TXNDC11: variants seen among roughly 807,000 people sequenced by gnomAD.
TXNDC11 encodes thioredoxin domain containing 11.
A neutral mutation model predicts 78.0 loss-of-function variants in TXNDC11; 68 were observed. That is an observed-to-expected ratio of 0.87 (90% CI 0.72 to 1.07). TXNDC11 has a LOEUF of 1.07. Ranked by LOEUF, TXNDC11 falls within the 50% of genes least tolerant of loss-of-function variation. The pLI, the probability that TXNDC11 is intolerant of heterozygous loss-of-function variation, is 0.00. For missense variants in TXNDC11, 1,389 were observed against 1,221.8 expected, an observed-to-expected ratio of 1.14 and a Z score of -2.04; for synonymous variants, 571 against 495.2, an observed-to-expected ratio of 1.15 and a Z score of -2.03.
rs540184267 is a variant in TXNDC11, at chr16:11,684,196, G to C, written c.2203C>G (p.Leu735Val). ...CAGGGAAAAAACAAGACAGTAGGAA[G>C]ACGATCGACCATAAATTCCCAAGGA... is the stretch of plus-strand genomic sequence containing the variant. Reference protein sequence around the residue: ...DLPWEFMVDRLPTVLFFPCNR... With the variant: ...DLPWEFMVDRVPTVLFFPCNR... Residue 735 changes from leucine to valine, a missense_variant, in exon 11 of 12, where the codon CTT becomes GTT. Leu to Val is a conservative substitution (Grantham distance 32). Coordinates refer to ENST00000283033, the MANE Select transcript of TXNDC11 (RefSeq NM_015914.7). 1 of 1,613,978 alleles carries C rather than the reference G, an allele frequency of 6.2e-7. No individual in the cohort carries two copies. Among genetic ancestry groups the C allele is most frequent in the Admixed American group, 1.7e-5 (1 of 60,030 alleles).
intron 4 of TXNDC11, among the ~76,000 whole-genome samples, chr16:11,722,717 C>T (rs1486865469): frequency 6.6e-6 from 1 of 152,074 alleles, no homozygotes; most frequent in East Asian, 1.9e-4. Flanking sequence ...TCCTTTTGAG[C>T]CCAAAAGCAC....
At chr16:11,687,995 T>C (rs201103025) in intron 9 of TXNDC11, 29 bp from the exon 10 acceptor site, 1 of 1,518,756 alleles carries the variant, frequency 6.6e-7, no homozygotes, top group Non-Finnish European at 9.1e-7. Context: ...AGATGTTACT[T>C]GCACCGGGAA....
chr16:11,691,201 C>T (rs2050703524), intron 8 of TXNDC11, 89 bp downstream of exon 8: 1 of 1,136,122 alleles, frequency 8.8e-7, no homozygotes, highest in Non-Finnish European at 1.3e-6. Flanking sequence ...CACCCCACAA[C>T]TAAATGTAAT....
intron 7 of TXNDC11, among the ~76,000 whole-genome samples, chr16:11,693,447 T>C (rs1019663965): frequency 1.3e-5 from 2 of 152,102 alleles, no homozygotes; most frequent in African/African-American, 4.8e-5. Context: ...TCACTCAGGA[T>C]TTTGTTTCGC....
At chr16:11,723,372 G>A (rs187439802) in intron 4 of TXNDC11, among the ~76,000 whole-genome samples, 4 of 152,084 alleles carry the variant, frequency 2.6e-5, no homozygotes, top group Non-Finnish European at 5.9e-5. Context: ...ATCACTTGAG[G>A]TCGGGAGTTC....
chr16:11,713,860 C>T (rs781062890), intron 5 of TXNDC11, among the ~76,000 whole-genome samples: 6 of 151,638 alleles, frequency 4.0e-5, no homozygotes, highest in Non-Finnish European at 5.9e-5. Flanking sequence ...GAAAAAAAAA[C>T]GATCCTAGAA....
chr16:11,742,007 G>T lies in TXNDC11; in HGVS notation c.254+470C>A, dbSNP rs147118325. The T allele has an allele frequency of 8.9e-3, 1,372 of 154,546 alleles. 25 individuals are homozygous for T. Among genetic ancestry groups the T allele is most frequent in the African/African-American group, 0.03 (1,259 of 41,636 alleles). 9.6% of individuals were successfully genotyped at this position (154,546 alleles called of 1,614,324 possible). ...AGATCGCGCCACTGCACTCCTGCCT[G>T]GGACACAATGCGTGACTCCGTCTCA... On this transcript the variant is annotated intron_variant, in intron 1 of 11. Transcript: ENST00000283033.
At chr16:11,721,433 C>T (rs959565049) in intron 5 of TXNDC11, 144 bp downstream of exon 5, 5 of 462,054 alleles carry the variant, frequency 1.1e-5, no homozygotes, top group African/African-American at 6.2e-5. Flanking sequence ...GGCGAGACTC[C>T]ATCTAAAAAA....
intron 2 of TXNDC11, 125 bp from the exon 3 acceptor site, chr16:11,734,204 C>G (rs929881843): frequency 9.8e-6 from 7 of 716,294 alleles, no homozygotes; most frequent in Non-Finnish European, 1.7e-5. Flanking sequence ...ATGAAAAAAA[C>G]TGTTTTGAGT....
intron 5 of TXNDC11, among the ~76,000 whole-genome samples, chr16:11,701,033 G>T (rs1276043462): frequency 1.3e-5 from 2 of 151,502 alleles, no homozygotes; most frequent in East Asian, 3.8e-4. Flanking sequence ...ACCCATTCAG[G>T]TACTCCCTTT....
At chr16:11,712,137 C>CT (rs1359443519) in intron 5 of TXNDC11, among the ~76,000 whole-genome samples, 4 of 152,148 alleles carry the variant, frequency 2.6e-5, no homozygotes, top group African/African-American at 9.7e-5. Flanking sequence ...CACCAATACT[C>CT]TAAAAGAGTC....
At chr16:11,695,071 G>T (rs1186512951) in intron 7 of TXNDC11, among the ~76,000 whole-genome samples, 1 of 152,212 alleles carries the variant, frequency 6.6e-6, no homozygotes, top group East Asian at 1.9e-4. Flanking sequence ...AAGTCACGAA[G>T]ACTCTTTGCT....
intron 6 of TXNDC11, among the ~76,000 whole-genome samples, 174 bp downstream of exon 6, chr16:11,700,278 A>C (rs2050974642): frequency 1.3e-5 from 2 of 152,222 alleles, no homozygotes; most frequent in African/African-American, 2.4e-5. Context: ...ATGGGTTCTT[A>C]ACCTGGAGCC....
chr16:11,711,796 A>C (rs1468099082), intron 5 of TXNDC11, among the ~76,000 whole-genome samples: 3 of 152,212 alleles, frequency 2.0e-5, no homozygotes, highest in African/African-American at 7.2e-5. Flanking sequence ...GCAACCCCTC[A>C]GAGCTTCGGT....
At position 11,679,545 on chromosome 16, in the gene TXNDC11, G is replaced by A. The variant is rs760713009; in HGVS notation, c.2527C>T (p.Arg843Trp). 33 of 1,613,196 alleles carry A rather than the reference G, an allele frequency of 2.0e-5. No homozygotes were observed. The Admixed American group carries it at 3.0e-4, about 15-fold the overall frequency. The change falls in exon 12 of 12, where the codon CGG becomes TGG. Residue 843 changes from arginine (R) to tryptophan (W), a missense_variant. By Grantham distance (101) the Arg-to-Trp change is moderately radical. Transcript: ENST00000283033. The surrounding 1 kb of genome is among the most constrained non-coding windows in gnomAD (Gnocchi z 4.6). The part of the protein sequence containing the change: ...RDEHRLRQQQ[R>W]ALEEQHSLLH... The stretch of plus-strand genomic sequence containing the variant: ...AGGCTGTGCTGCTCTTCCAGGGCCC[G>A]CTGCTGCTGCCGCAGCCGGTGCTCA...
chr16:11,697,161 A>C (rs1424607399), intron 7 of TXNDC11, among the ~76,000 whole-genome samples: 1 of 152,210 alleles, frequency 6.6e-6, no homozygotes. Context: ...TCTAAACCAA[A>C]GAGCAGCATT....
intron 6 of TXNDC11, among the ~76,000 whole-genome samples, chr16:11,699,680 C>T (rs1026518718): frequency 2.6e-5 from 4 of 152,242 alleles, no homozygotes; most frequent in Non-Finnish European, 4.4e-5. Flanking sequence ...ACAGCCCCTC[C>T]GAAGGCACAA....
At chr16:11,733,524 C>T (rs1334611619) in intron 3 of TXNDC11, among the ~76,000 whole-genome samples, 1 of 150,766 alleles carries the variant, frequency 6.6e-6, no homozygotes, top group Non-Finnish European at 1.5e-5. Flanking sequence ...GAGACTCCGT[C>T]TCAAAAAAAA....
At position 11,705,848 on chromosome 16, in the gene TXNDC11, A is replaced by C. The variant is rs80269384; in HGVS notation, c.794-5284T>G. 6.0e-3 allele frequency among the ~76,000 whole-genome samples: 921 copies of C among 152,344 alleles called. 13 individuals are homozygous for C. Among genetic ancestry groups the C allele is most frequent in the African/African-American group, 0.02 (836 of 41,582 alleles). ...AAAGAATACTTAGATTAGCAGAGGA[A>C]GTTTATAGCGTAAAGATGACACAAA... On this transcript the variant is annotated intron_variant, in intron 5 of 11. Transcript: ENST00000283033.
Sources: allele counts gnomAD v4.1 joint callset (sites outside exome capture counted in the v4.1 genomes callset), GRCh38; gene constraint gnomAD v4.1.1; non-coding constraint Gnocchi (gnomAD v3.1); transcripts MANE v1.5; gene names NCBI Gene and HGNC (gene_info 2026-07-23, HGNC 2026-07-21).